RALYL: variants seen among roughly 807,000 people sequenced by gnomAD.
RALYL encodes RNA-binding Raly-like protein.
RALYL carries 29 observed loss-of-function variants against 35.1 expected under a neutral mutation model. That is an observed-to-expected ratio of 0.83 (90% confidence interval 0.61 to 1.13). RALYL has a LOEUF of 1.13. RALYL is among the 50% of genes most tolerant of loss of function. The probability of loss-of-function intolerance (pLI) is 0.00; values close to 1 mark genes in which losing one functional copy is unlikely to be tolerated. For missense variants in RALYL, 359 were observed against 360.4 expected (o/e 1.00, Z 0.03); for synonymous variants, 120 against 127.6 (o/e 0.94, Z 0.40).
chr8:84,569,895 G>C (rs148729966), intron 2 of RALYL, among the ~76,000 whole-genome samples: 1 of 151,876 alleles, frequency 6.6e-6, no homozygotes, highest in African/African-American at 2.4e-5. Context: ...TCAATCAGTT[G>C]TAGGTATGTG....
intron 1 of RALYL, among the ~76,000 whole-genome samples, chr8:84,198,262 C>T (rs1815917620): frequency 6.6e-6 from 1 of 152,166 alleles, no homozygotes; most frequent in Non-Finnish European, 1.5e-5. Context: ...AACAGTTATT[C>T]TACATTTGTA....
At chr8:84,912,427 A>G (rs1472795493) in intron 8 of RALYL, among the ~76,000 whole-genome samples, 1 of 152,102 alleles carries the variant, frequency 6.6e-6, no homozygotes, top group Non-Finnish European at 1.5e-5. Flanking sequence ...AGCATTGTTC[A>G]TCACCCCCTT....
intron 1 of RALYL, among the ~76,000 whole-genome samples, chr8:84,278,142 T>G (rs1169962762): frequency 1.3e-5 from 2 of 152,194 alleles, no homozygotes; most frequent in Non-Finnish European, 2.9e-5. Flanking sequence ...CCATACATCC[T>G]CTGAAATCTA....
intron 2 of RALYL, among the ~76,000 whole-genome samples, chr8:84,768,814 T>C (rs1814726660): frequency 6.6e-6 from 1 of 152,242 alleles, no homozygotes; most frequent in African/African-American, 2.4e-5. Flanking sequence ...CGTTTCATTG[T>C]ATATAAGTGG....
At position 84,617,232 on chromosome 8, in the gene RALYL, T is replaced by A. The variant is rs549800046; in HGVS notation, c.256+87655T>A. Reference sequence around the variant, plus strand: ...ATTGTTCCTACCCATGAGCATGGAATGTTCTTCCATTTGTTTGTATCCTCT... The same window carrying A: ...ATTGTTCCTACCCATGAGCATGGAAAGTTCTTCCATTTGTTTGTATCCTCT... On this transcript the variant is annotated intron_variant, in intron 2 of 8. Transcript: ENST00000521268. Among the ~76,000 whole-genome samples, 6 of 151,836 alleles carry A rather than the reference T, an allele frequency of 4.0e-5. No homozygotes were observed. The South Asian group carries it at 1.2e-3, about 31-fold the overall frequency.
intron 1 of RALYL, among the ~76,000 whole-genome samples, chr8:84,234,018 G>C (rs2131467613): frequency 6.6e-6 from 1 of 151,960 alleles, no homozygotes; most frequent in Non-Finnish European, 1.5e-5. Context: ...ACCTTTGATT[G>C]TCTTGCCTTC....
intron 1 of RALYL, among the ~76,000 whole-genome samples, chr8:84,338,958 C>A (rs1433635164): frequency 1.3e-5 from 2 of 151,898 alleles, no homozygotes; most frequent in African/African-American, 4.8e-5. Context: ...TATAACAAAC[C>A]TATTTTATAA....
intron 1 of RALYL, chr8:84,184,967 C>T (rs770525129): frequency 6.2e-7 from 1 of 1,613,604 alleles, no homozygotes; most frequent in Non-Finnish European, 8.5e-7. Flanking sequence ...CACCGGCCCT[C>T]GCACGCTCAA....
At chr8:84,731,234 TG>T (rs1302289908) in intron 2 of RALYL, among the ~76,000 whole-genome samples, 5 of 152,176 alleles carry the variant, frequency 3.3e-5, no homozygotes, top group African/African-American at 1.2e-4. Flanking sequence ...AATAGGAGGC[TG>T]AGATCTGTAC....
chr8:84,722,626 T>C (rs1305718565), intron 2 of RALYL, among the ~76,000 whole-genome samples: 2 of 137,154 alleles, frequency 1.5e-5, no homozygotes, highest in South Asian at 2.2e-4. Flanking sequence ...TTTATATATA[T>C]ATATATATAT....
intron 1 of RALYL, among the ~76,000 whole-genome samples, chr8:84,310,174 C>A (rs1842505808): frequency 6.6e-6 from 1 of 151,860 alleles, no homozygotes; most frequent in Non-Finnish European, 1.5e-5. Context: ...TCCCAAGTAC[C>A]TGGGGTTACA....
At chr8:84,457,416 C>A (rs2050257213) in intron 1 of RALYL, among the ~76,000 whole-genome samples, 1 of 151,840 alleles carries the variant, frequency 6.6e-6, no homozygotes, top group Non-Finnish European at 1.5e-5. Context: ...CTTAAATTAA[C>A]TTTAATCATG....
chr8:84,392,466 T>C (rs970445837), intron 1 of RALYL, among the ~76,000 whole-genome samples: 1 of 152,032 alleles, frequency 6.6e-6, no homozygotes, highest in Non-Finnish European at 1.5e-5. Context: ...TCACAGCTGC[T>C]TTATGTGGAC....
chr8:84,707,081 T>C (rs1232281454), intron 2 of RALYL, among the ~76,000 whole-genome samples: 2 of 152,152 alleles, frequency 1.3e-5, no homozygotes, highest in African/African-American at 2.4e-5. Context: ...ATAAAGATAA[T>C]TTTTAGTGCG....
chr8:84,255,740 C>A (rs1212976433), intron 1 of RALYL, among the ~76,000 whole-genome samples: 1 of 152,024 alleles, frequency 6.6e-6, no homozygotes, highest in African/African-American at 2.4e-5. Context: ...ATAATAGCTG[C>A]ACATCTGAAA....
chr8:84,719,530 T>C (rs1384003737), intron 2 of RALYL, among the ~76,000 whole-genome samples: 1 of 152,168 alleles, frequency 6.6e-6, no homozygotes, highest in Non-Finnish European at 1.5e-5. Context: ...AATTTAACAA[T>C]GTTTAAGGCA....
At chr8:84,596,853 C>A (rs1218650695) in intron 2 of RALYL, among the ~76,000 whole-genome samples, 2 of 151,962 alleles carry the variant, frequency 1.3e-5, no homozygotes, top group Non-Finnish European at 2.9e-5. Flanking sequence ...TTCCTTCTAT[C>A]CTGGGACTTG....
At chr8:84,471,358 G>A (rs907438821) in intron 1 of RALYL, among the ~76,000 whole-genome samples, 1 of 151,796 alleles carries the variant, frequency 6.6e-6, no homozygotes, top group African/African-American at 2.4e-5. Flanking sequence ...CAAAGTGGGA[G>A]GATCGCTTGA....
intron 1 of RALYL, among the ~76,000 whole-genome samples, chr8:84,372,625 T>A (rs773614084): frequency 1.2e-4 from 19 of 152,022 alleles, no homozygotes; most frequent in Non-Finnish European, 2.8e-4. Flanking sequence ...GAGATTGTAG[T>A]CCCAGGAGGA....
Sources: allele counts gnomAD v4.1 joint callset (sites outside exome capture counted in the v4.1 genomes callset), GRCh38; gene constraint gnomAD v4.1.1; transcripts MANE v1.5; gene names NCBI Gene and HGNC (gene_info 2026-07-23, HGNC 2026-07-21).